ZFPM2: variants seen among roughly 807,000 people sequenced by gnomAD.
ZFPM2 encodes zinc finger protein, FOG family member 2.
Under a neutral mutation model 98.6 loss-of-function variants are expected in ZFPM2, and 20 were observed. That is an observed-to-expected ratio of 0.20 (90% CI 0.14 to 0.29). The LOEUF is 0.29. Ranked by LOEUF, ZFPM2 falls within the 10% of genes least tolerant of loss-of-function variation. The pLI is 1.00. For missense variants in ZFPM2, 1,310 were observed against 1,388.6 expected, an observed-to-expected ratio of 0.94 and a Z score of 0.90; for synonymous variants, 518 against 502.7, an observed-to-expected ratio of 1.03 and a Z score of -0.41.
At chr8:105,494,148 T>C (rs1300782605) in intron 3 of ZFPM2, among the ~76,000 whole-genome samples, 5 of 143,662 alleles carry the variant, frequency 3.5e-5, no homozygotes, top group Non-Finnish European at 7.6e-5. Context: ...CTTCCAAATA[T>C]GTAGCTTTAG....
At chr8:105,413,707 C>CACCATT (rs532829991) in intron 1 of ZFPM2, among the ~76,000 whole-genome samples, 72 of 151,626 alleles carry the variant, frequency 4.7e-4, no homozygotes, top group Non-Finnish European at 4.9e-4. Flanking sequence ...GGGAGAACAC[C>CACCATT]ACCATTTTCA....
chr8:105,441,434 A>AAGAGAGAGAGAGAGAG (rs35365518), intron 2 of ZFPM2, among the ~76,000 whole-genome samples: 7 of 95,026 alleles, frequency 7.4e-5, no homozygotes, highest in African/African-American at 3.7e-4. Context: ...GAAAGAAAGA[A>AAGAGAGAGAGAGAGAG]AGAGAGAGAG....
intron 5 of ZFPM2, among the ~76,000 whole-genome samples, chr8:105,725,934 T>C (rs1811798606): frequency 6.6e-6 from 1 of 151,702 alleles, no homozygotes; most frequent in Non-Finnish European, 1.5e-5. Flanking sequence ...TGAATAGAGA[T>C]GGGAAACAGT....
intron 5 of ZFPM2, among the ~76,000 whole-genome samples, chr8:105,786,570 G>T (rs1203100351): frequency 7.0e-6 from 1 of 142,834 alleles, no homozygotes; most frequent in East Asian, 1.9e-4. Flanking sequence ...CATCAAATGA[G>T]ATAAAGTGAT....
At chr8:105,368,361 TA>T (rs1476289204) in intron 1 of ZFPM2, among the ~76,000 whole-genome samples, 3 of 152,142 alleles carry the variant, frequency 2.0e-5, no homozygotes, top group African/African-American at 7.2e-5. Context: ...TACTAGTACT[TA>T]CTATTGATCT....
intron 2 of ZFPM2, among the ~76,000 whole-genome samples, chr8:105,429,097 C>G (rs1434742266): frequency 6.6e-6 from 1 of 152,172 alleles, no homozygotes; most frequent in African/African-American, 2.4e-5. Flanking sequence ...AGCTGGAAAT[C>G]TATCATACAG....
chr8:105,716,346 T>G (rs1563534144), intron 5 of ZFPM2, among the ~76,000 whole-genome samples: 1 of 151,642 alleles, frequency 6.6e-6, no homozygotes, highest in Admixed American at 6.6e-5. Context: ...TATTAGACAT[T>G]GCATATGAAT....
chr8:105,576,336 C>T (rs1202723154), intron 4 of ZFPM2, among the ~76,000 whole-genome samples: 2 of 151,768 alleles, frequency 1.3e-5, no homozygotes, highest in Non-Finnish European at 1.5e-5. Context: ...CATAGAGGCA[C>T]AAAAAATTAA....
At position 105,320,186 on chromosome 8, in the gene ZFPM2, TATCA is replaced by T. The variant is rs535144880; in HGVS notation, c.40+1211_40+1214del. Among the ~76,000 whole-genome samples the T allele has an allele frequency of 1.9e-3, 296 of 152,138 alleles. 1 individual carries two copies. The highest frequency in any genetic ancestry group is 4.1e-3 in the Admixed American group (63 of 15,276). The stretch of plus-strand genomic sequence containing the variant: ...TTTGGTGTAGTTTAAAAATAAATCT[TATCA>T]ATCAACTTGTCCTTGAAATGGGGGC... On this transcript the variant is annotated intron_variant, in intron 1 of 7. Coordinates refer to ENST00000407775, the MANE Select transcript of ZFPM2 (RefSeq NM_012082.4).
At chr8:105,444,668 T>G (rs1469969998) in intron 3 of ZFPM2, among the ~76,000 whole-genome samples, 1 of 152,162 alleles carries the variant, frequency 6.6e-6, no homozygotes, top group Non-Finnish European at 1.5e-5. Context: ...ATCTTTAAGC[T>G]ACATCCAAAT....
At chr8:105,756,448 G>A (rs932400878) in intron 5 of ZFPM2, among the ~76,000 whole-genome samples, 3 of 152,128 alleles carry the variant, frequency 2.0e-5, no homozygotes, top group East Asian at 1.9e-4. Context: ...GATGAAAAGC[G>A]AAAAAGCTCT....
At chr8:105,779,333 C>T (rs1465937) in intron 5 of ZFPM2, among the ~76,000 whole-genome samples, 26,632 of 152,106 alleles carry the variant, frequency 0.18, 4,189 homozygotes, top group African/African-American at 0.42. Flanking sequence ...GCCCCCGTAG[C>T]TGTGCTAGAG....
chr8:105,734,892 C>T (rs1295305072), intron 5 of ZFPM2, among the ~76,000 whole-genome samples: 1 of 151,188 alleles, frequency 6.6e-6, no homozygotes, highest in Admixed American at 6.6e-5. Flanking sequence ...AATTTTTGCA[C>T]TTATAATATC....
chr8:105,539,770 T>A (rs1371878604), intron 3 of ZFPM2, among the ~76,000 whole-genome samples: 1 of 152,184 alleles, frequency 6.6e-6, no homozygotes, highest in African/African-American at 2.4e-5. Context: ...TACAGTCAGA[T>A]CATGGAAGAC....
chr8:105,454,136 G>C (rs1812541263), intron 3 of ZFPM2, among the ~76,000 whole-genome samples: 1 of 151,934 alleles, frequency 6.6e-6, no homozygotes, highest in Non-Finnish European at 1.5e-5. Context: ...TATATGAAAA[G>C]TCTTTTCGAA....
At chr8:105,710,167 CATAA>C (rs1811349854) in intron 5 of ZFPM2, among the ~76,000 whole-genome samples, 1 of 151,490 alleles carries the variant, frequency 6.6e-6, no homozygotes, top group African/African-American at 2.4e-5. Context: ...AAGTAATTGG[CATAA>C]ATAAAGTTAT....
intron 4 of ZFPM2, chr8:105,616,806 C>T: frequency 4.7e-6 from 1 of 212,572 alleles, no homozygotes; most frequent in Non-Finnish European, 9.5e-6. Context: ...TCACCTAGGA[C>T]CAGGAGTTTG....
chr8:105,535,059 A>C (rs1353435999), intron 3 of ZFPM2, among the ~76,000 whole-genome samples: 1 of 152,178 alleles, frequency 6.6e-6, no homozygotes. Context: ...ATGTTCAAAT[A>C]AGGTCCTGAA....
chr8:105,589,553 TA>T (rs1271337657), intron 4 of ZFPM2, among the ~76,000 whole-genome samples: 1 of 152,194 alleles, frequency 6.6e-6, no homozygotes, highest in African/African-American at 2.4e-5. Flanking sequence ...TACGTTAACA[TA>T]AAAGAGTACT....
Sources: allele counts gnomAD v4.1 joint callset (sites outside exome capture counted in the v4.1 genomes callset), GRCh38; gene constraint gnomAD v4.1.1; transcripts MANE v1.5; gene names NCBI Gene and HGNC (gene_info 2026-07-23, HGNC 2026-07-21).